Variants in PTPRD observed in about 807,000 individuals in gnomAD.
The protein encoded by PTPRD is receptor-type tyrosine-protein phosphatase delta.
Under a neutral mutation model 214.5 loss-of-function variants are expected in PTPRD, and 34 were observed. The ratio of observed to expected loss-of-function variants is 0.16; its 90% CI spans 0.12 to 0.21. PTPRD has a LOEUF of 0.21. PTPRD is among the 10% of genes least tolerant of loss of function. The pLI is 1.00. For synonymous variants in PTPRD, 1,128 were observed against 845.7 expected (o/e 1.33, Z -5.79); for missense variants, 2,545 against 2,398.7 (o/e 1.06, Z -1.27).
intron 32 of PTPRD, among the ~76,000 whole-genome samples, chr9:8,464,782 A>G (rs1055856388): frequency 3.3e-5 from 5 of 151,828 alleles, no homozygotes; most frequent in Non-Finnish European, 5.9e-5. Context: ...GGATTACATA[A>G]AAGAAGAAAA....
chr9:9,060,279 G>A (rs898199971), intron 10 of PTPRD, among the ~76,000 whole-genome samples: 18 of 152,154 alleles, frequency 1.2e-4, no homozygotes, highest in African/African-American at 3.6e-4. Flanking sequence ...TATGACAAGA[G>A]TGTGCATCAG....
At chr9:8,400,177 GA>G (rs1250689859) in intron 36 of PTPRD, among the ~76,000 whole-genome samples, 1 of 152,154 alleles carries the variant, frequency 6.6e-6, no homozygotes, top group Non-Finnish European at 1.5e-5. Context: ...TGGCAGCAGT[GA>G]AGATTAATTA....
At chr9:9,735,808 A>G (rs969113081) in intron 6 of PTPRD, among the ~76,000 whole-genome samples, 4 of 152,160 alleles carry the variant, frequency 2.6e-5, no homozygotes, top group Admixed American at 1.3e-4. Flanking sequence ...TTAACGACCT[A>G]AGAAAATAAT....
chr9:9,914,650 C>A (rs1026697334), intron 5 of PTPRD, among the ~76,000 whole-genome samples: 1 of 152,156 alleles, frequency 6.6e-6, no homozygotes, highest in East Asian at 1.9e-4. Flanking sequence ...CAACCCACAG[C>A]AAACATGCAC....
Position 9,549,585 on chromosome 9 carries a change from G to A in PTPRD, c.-237+25147C>T, listed in dbSNP as rs576515447. 3.1e-4 allele frequency among the ~76,000 whole-genome samples: 47 copies of A among 152,090 alleles called. 1 individual carries two copies. Among genetic ancestry groups the A allele is most frequent in the Non-Finnish European group, 4.9e-4 (33 of 67,948 alleles). On this transcript the variant is annotated intron_variant, in intron 8 of 45. Transcript: ENST00000381196. ...CTATGGTCCAGCAATTCCATGCCTC[G>A]TTATTTACCTAAGAAAAGTAAAAAC...
At chr9:9,287,443 C>T (rs1949861519) in intron 9 of PTPRD, among the ~76,000 whole-genome samples, 1 of 151,784 alleles carries the variant, frequency 6.6e-6, no homozygotes, top group Non-Finnish European at 1.5e-5. Flanking sequence ...CAGATTGTAG[C>T]TACTTGATAA....
At chr9:8,390,354 A>T (rs1439472866) in intron 36 of PTPRD, among the ~76,000 whole-genome samples, 1 of 152,024 alleles carries the variant, frequency 6.6e-6, no homozygotes, top group Non-Finnish European at 1.5e-5. Context: ...GTCTGCTTCA[A>T]TTATTAGAAA....
intron 12 of PTPRD, among the ~76,000 whole-genome samples, chr9:8,640,059 T>C (rs1252350877): frequency 6.6e-6 from 1 of 152,034 alleles, no homozygotes; most frequent in Non-Finnish European, 1.5e-5. Context: ...GCATCCAGAG[T>C]GGCTGGGAGC....
chr9:8,591,578 T>A (rs1055020745), intron 14 of PTPRD, among the ~76,000 whole-genome samples: 1 of 152,142 alleles, frequency 6.6e-6, no homozygotes, highest in African/African-American at 2.4e-5. Context: ...GGAGAAAGAA[T>A]GTAGGAGGAG....
chr9:8,416,055 G>A (rs1187207812), intron 35 of PTPRD, among the ~76,000 whole-genome samples: 2 of 142,994 alleles, frequency 1.4e-5, no homozygotes, highest in Admixed American at 1.5e-4. Flanking sequence ...ACTAAACTCT[G>A]TCAGAAAGCC....
intron 11 of PTPRD, among the ~76,000 whole-genome samples, chr9:8,944,225 G>A (rs1263532297): frequency 1.3e-5 from 2 of 152,052 alleles, no homozygotes; most frequent in African/African-American, 2.4e-5. Context: ...CAGTTAAAAT[G>A]GCTTTTATCC....
chr9:9,428,101 A>C (rs2081676748), intron 8 of PTPRD, among the ~76,000 whole-genome samples: 1 of 152,216 alleles, frequency 6.6e-6, no homozygotes, highest in African/African-American at 2.4e-5. Context: ...TGTTACAATT[A>C]AAAAACACAG....
Position 8,525,038 on chromosome 9 carries a change from G to T in PTPRD, c.569-3C>A. The T allele has an allele frequency of 6.2e-7, 1 of 1,608,818 alleles. No individual in the cohort carries two copies. The highest frequency in any genetic ancestry group is 8.5e-7 in the Non-Finnish European group (1 of 1,175,374). ...ACTCTGCTCAATCTGAAGGGCTCCTGTATGGATATAAAATATATTGCCAAA... is the reference window on the plus strand; with the variant it reads ...ACTCTGCTCAATCTGAAGGGCTCCTTTATGGATATAAAATATATTGCCAAA... On this transcript the variant is annotated splice_region_variant and splice_polypyrimidine_tract_variant and intron_variant, in intron 17 of 45. Coordinates refer to ENST00000381196, the MANE Select transcript of PTPRD (RefSeq NM_002839.4).
intron 12 of PTPRD, among the ~76,000 whole-genome samples, chr9:8,701,867 T>C (rs1478878253): frequency 6.6e-6 from 1 of 152,198 alleles, no homozygotes; most frequent in Non-Finnish European, 1.5e-5. Context: ...AAACTATACC[T>C]ATTTTCATAC....
chr9:8,414,935 GA>G (rs1371810637), intron 35 of PTPRD, among the ~76,000 whole-genome samples: 2 of 54,590 alleles, frequency 3.7e-5, no homozygotes, highest in Non-Finnish European at 7.4e-5. Flanking sequence ...GAGGGGGAGA[GA>G]GAGAGAGAGA....
At chr9:9,933,275 A>T (rs1375912073) in intron 5 of PTPRD, among the ~76,000 whole-genome samples, 11 of 152,364 alleles carry the variant, frequency 7.2e-5, no homozygotes, top group Admixed American at 3.3e-4. Context: ...TAAAAGACAC[A>T]GACTGGCAAA....
At chr9:8,799,364 G>C (rs1324184618) in intron 11 of PTPRD, among the ~76,000 whole-genome samples, 1 of 152,248 alleles carries the variant, frequency 6.6e-6, no homozygotes, top group Non-Finnish European at 1.5e-5. Flanking sequence ...ATTCATTAAA[G>C]AGAACTGCCT....
chr9:9,420,085 A>G (rs949914591), intron 8 of PTPRD, among the ~76,000 whole-genome samples: 3 of 127,232 alleles, frequency 2.4e-5, no homozygotes, highest in African/African-American at 8.9e-5. Context: ...TAAAATGCAC[A>G]TAGTGTAATG....
At chr9:9,269,452 C>A (rs953095354) in intron 9 of PTPRD, among the ~76,000 whole-genome samples, 3 of 150,660 alleles carry the variant, frequency 2.0e-5, no homozygotes, top group South Asian at 2.1e-4. Flanking sequence ...GGAGGTTCCT[C>A]AAAAAAAATA....
Sources: allele counts gnomAD v4.1 joint callset (sites outside exome capture counted in the v4.1 genomes callset), GRCh38; gene constraint gnomAD v4.1.1; transcripts MANE v1.5; gene names NCBI Gene and HGNC (gene_info 2026-07-23, HGNC 2026-07-21).